WWOX: variants seen among roughly 807,000 people sequenced by gnomAD.
WWOX encodes the protein WW domain containing oxidoreductase, also known as WW domain-containing oxidoreductase.
WWOX carries 69 observed loss-of-function variants against 46.2 expected under a neutral mutation model. The observed-to-expected ratio is 1.49, with a 90% CI of 1.23 to 1.82. The LOEUF is 1.82. WWOX is among the 40% of genes most tolerant of loss of function. The pLI is 0.00. For missense variants in WWOX, 919 were observed against 542.6 expected, an observed-to-expected ratio of 1.69 and a Z score of -6.89; for synonymous variants, 359 against 202.6, an observed-to-expected ratio of 1.77 and a Z score of -6.56.
At chr16:78,925,459 G>T (rs867233954) in intron 8 of WWOX, among the ~76,000 whole-genome samples, 2 of 152,252 alleles carry the variant, frequency 1.3e-5, no homozygotes, top group South Asian at 4.1e-4. Context: ...GTTAAAAAAT[G>T]CCCTCACATT....
intron 8 of WWOX, among the ~76,000 whole-genome samples, chr16:78,817,752 C>G (rs1012174253): frequency 4.6e-5 from 7 of 152,152 alleles, no homozygotes; most frequent in Non-Finnish European, 8.8e-5. Context: ...CCAGCCCTTT[C>G]TCTTCCCCTG....
intron 8 of WWOX, among the ~76,000 whole-genome samples, chr16:78,784,823 T>A (rs1020176390): frequency 5.9e-5 from 9 of 152,020 alleles, no homozygotes; most frequent in Admixed American, 6.6e-5. Context: ...GTCCCAAGGA[T>A]CCCCAAGGGA....
In WWOX at chr16:78,432,498, A is replaced by G; in HGVS notation, c.802A>G (p.Ile268Val). 2 of 1,613,992 alleles carry G rather than the reference A, an allele frequency of 1.2e-6. No individual in the cohort carries two copies. The highest frequency in any genetic ancestry group is 2.2e-5 in the South Asian group (2 of 91,062). Reference sequence around the variant, plus strand: ...TTTCCTATTTTTAAGATTTACAGATATTAACGACTCCTTGGGAAAACTGGA... The same window carrying G: ...TTTCCTATTTTTAAGATTTACAGATGTTAACGACTCCTTGGGAAAACTGGA... ...VSSESHRFTDINDSLGKLDFS... is the reference protein window; with the variant it reads ...VSSESHRFTDVNDSLGKLDFS... Residue 268 changes from isoleucine (I) to valine (V), a missense_variant, in exon 8 of 9, where the codon ATT becomes GTT. Physicochemically the swap from Ile to Val is conservative, Grantham distance 29. Transcript: ENST00000566780.
chr16:78,237,973 A>T (rs960530988), intron 5 of WWOX: 1 of 152,142 alleles, frequency 6.6e-6, no homozygotes, highest in Non-Finnish European at 1.5e-5. Context: ...ATTAAACCAG[A>T]TCCCTTGAGG....
At chr16:78,401,598 C>T (rs73571030) in intron 6 of WWOX, among the ~76,000 whole-genome samples, 5 of 151,948 alleles carry the variant, frequency 3.3e-5, no homozygotes, top group Admixed American at 1.3e-4. Context: ...GGTGAGGAAC[C>T]CCACTGAAGG....
chr16:78,357,674 T>G lies in WWOX; in HGVS notation c.517-29186T>G, dbSNP rs143204455. Among the ~76,000 whole-genome samples, 723 of 152,320 alleles carry G rather than the reference T, an allele frequency of 4.7e-3. 7 individuals carry two copies. Among genetic ancestry groups the G allele is most frequent in the African/African-American group, 0.017 (693 of 41,574 alleles). ...ATAGGATTATCATTGTTAGGATGGTTATTATCAATACTAGCTGTGATTATT... is the reference window on the plus strand; with the variant it reads ...ATAGGATTATCATTGTTAGGATGGTGATTATCAATACTAGCTGTGATTATT... On this transcript the variant is annotated intron_variant, in intron 5 of 8. Transcript: ENST00000566780.
chr16:78,319,379 A>G (rs941761386), intron 5 of WWOX, among the ~76,000 whole-genome samples: 1 of 151,644 alleles, frequency 6.6e-6, no homozygotes, highest in Non-Finnish European at 1.5e-5. Context: ...TCCCACCTCA[A>G]CCTCCTAAGT....
intron 8 of WWOX, among the ~76,000 whole-genome samples, chr16:78,482,363 A>G (rs1421011976): frequency 6.6e-6 from 1 of 152,130 alleles, no homozygotes; most frequent in Non-Finnish European, 1.5e-5. Flanking sequence ...TCAGGACTAC[A>G]GGCATGCACC....
At chr16:78,751,431 T>A (rs1567535537) in intron 8 of WWOX, among the ~76,000 whole-genome samples, 1 of 139,736 alleles carries the variant, frequency 7.2e-6, no homozygotes, top group Non-Finnish European at 1.5e-5. Flanking sequence ...ATATATATAT[T>A]TATCAGATTA....
At chr16:79,129,044 A>G (rs375626749) in intron 8 of WWOX, among the ~76,000 whole-genome samples, 2 of 152,204 alleles carry the variant, frequency 1.3e-5, no homozygotes, top group East Asian at 3.8e-4. Context: ...TTGTCCTGAC[A>G]CAGAACTCTG....
chr16:78,849,920 A>C (rs915172013), intron 8 of WWOX, among the ~76,000 whole-genome samples: 2 of 152,124 alleles, frequency 1.3e-5, no homozygotes, highest in Admixed American at 1.3e-4. Flanking sequence ...TTAAAATACA[A>C]AATTAGCCGG....
rs529953843 is a variant in WWOX, at chr16:78,768,484, C to A, written c.1056+335732C>A. ...GCACGCCTGTAATCCCAGCTACTCA[C>A]CAGGCTGAGAGTGGAAAATCACTTG... On this transcript the variant is annotated intron_variant, in intron 8 of 8. Transcript: ENST00000566780. Among the ~76,000 whole-genome samples, 4 of 151,690 alleles carry A rather than the reference C, an allele frequency of 2.6e-5. No homozygotes were observed. In the East Asian group the frequency reaches 7.8e-4, roughly 30 times the overall value.
chr16:79,048,658 T>C (rs1383884975), intron 8 of WWOX, among the ~76,000 whole-genome samples: 1 of 152,194 alleles, frequency 6.6e-6, no homozygotes, highest in East Asian at 1.9e-4. Context: ...AAAGCATCAA[T>C]TGCTTATTTG....
At chr16:79,175,788 C>G (rs1322596233) in intron 8 of WWOX, among the ~76,000 whole-genome samples, 1 of 152,182 alleles carries the variant, frequency 6.6e-6, no homozygotes, top group Non-Finnish European at 1.5e-5. Flanking sequence ...AGCTCCAACT[C>G]TGTTTGGTCC....
In WWOX at chr16:78,503,216, G is replaced by C. The variant is rs148298683; in HGVS notation, c.1056+70464G>C. ...AAGCTGCTTATCAGAGGTGCATGCTGAGAGCATGATGGGAAGATGGAGTCT... is the reference window on the plus strand; with the variant it reads ...AAGCTGCTTATCAGAGGTGCATGCTCAGAGCATGATGGGAAGATGGAGTCT... On this transcript the variant is annotated intron_variant, in intron 8 of 8. Transcript: ENST00000566780. Among the ~76,000 whole-genome samples the C allele has an allele frequency of 3.2e-3, 480 of 152,274 alleles. 2 individuals are homozygous for C. The highest frequency in any genetic ancestry group is 0.011 in the African/African-American group (456 of 41,552).
intron 6 of WWOX, among the ~76,000 whole-genome samples, chr16:78,399,255 C>T (rs1029883935): frequency 4.6e-5 from 7 of 152,130 alleles, no homozygotes; most frequent in Non-Finnish European, 1.5e-5. Flanking sequence ...TCTAAGGTGC[C>T]GATTCTCAGT....
At chr16:78,578,889 A>G (rs2044974986) in intron 8 of WWOX, among the ~76,000 whole-genome samples, 1 of 152,188 alleles carries the variant, frequency 6.6e-6, no homozygotes, top group Non-Finnish European at 1.5e-5. Context: ...GTGCATCTCT[A>G]CAAACAAATA....
chr16:78,144,214 G>T (rs1358403782), intron 4 of WWOX, among the ~76,000 whole-genome samples: 2 of 151,170 alleles, frequency 1.3e-5, no homozygotes, highest in Non-Finnish European at 2.9e-5. Flanking sequence ...TAGTGGCTGG[G>T]GCACTAATGA....
intron 5 of WWOX, among the ~76,000 whole-genome samples, chr16:78,305,650 GA>G (rs1421970657): frequency 6.6e-6 from 1 of 151,776 alleles, no homozygotes; most frequent in Non-Finnish European, 1.5e-5. Context: ...AAAAAAGAAT[GA>G]AAAGCCCCTT....
Sources: allele counts gnomAD v4.1 joint callset (sites outside exome capture counted in the v4.1 genomes callset), GRCh38; gene constraint gnomAD v4.1.1; transcripts MANE v1.5; gene names NCBI Gene and HGNC (gene_info 2026-07-23, HGNC 2026-07-21).